Variants in PPFIBP2 observed in about 807,000 individuals in gnomAD.
PPFIBP2 encodes liprin-beta-2.
A neutral mutation model predicts 118.3 loss-of-function variants in PPFIBP2; 118 were observed. That is an observed-to-expected ratio of 1.00 (90% CI 0.86 to 1.16). The LOEUF (loss-of-function observed/expected upper bound fraction) is 1.16, where lower values mean the gene tolerates loss of function less well. Ranked by LOEUF, PPFIBP2 falls within the 50% of genes most tolerant of loss-of-function variation. The pLI is 0.00. For missense variants in PPFIBP2, 1,195 were observed against 1,073.1 expected (o/e 1.11, Z -1.59); for synonymous variants, 414 against 397.4 (o/e 1.04, Z -0.50).
At chr11:7,604,251 A>G (rs555445127) in intron 5 of PPFIBP2, among the ~76,000 whole-genome samples, 7 of 152,314 alleles carry the variant, frequency 4.6e-5, no homozygotes, top group African/African-American at 1.7e-4. Context: ...TGGGGTGGCT[A>G]GGAGTACCTT....
chr11:7,541,714 A>G (rs934467999), intron 1 of PPFIBP2, among the ~76,000 whole-genome samples: 6 of 152,200 alleles, frequency 3.9e-5, no homozygotes, highest in African/African-American at 1.2e-4. Context: ...TGTAAACATC[A>G]GACTCCTATT....
the PPFIBP2 span, chr11:7,666,376 G>T: frequency 1.3e-5 from 12 of 938,424 alleles, no homozygotes; most frequent in Non-Finnish European, 1.7e-5. Context: ...ACAAAACAAA[G>T]AGACAGAGAC....
intron 20 of PPFIBP2, 113 bp from the exon 21 acceptor site, chr11:7,649,419 G>T (rs935369872): frequency 1.4e-6 from 2 of 1,428,772 alleles, no homozygotes; most frequent in African/African-American, 1.4e-5. Context: ...GTGTCTCCAC[G>T]TGCACCTTCC....
chr11:7,551,374 C>T lies in PPFIBP2; in HGVS notation c.64+1835C>T, dbSNP rs947128279. ...GGATGAAAATACTATCTTTTCTCTA[C>T]GTATTATCTCTGCTGCTTTGTCAAA... On this transcript the variant is annotated intron_variant, in intron 2 of 23. Coordinates refer to ENST00000299492, the MANE Select transcript of PPFIBP2 (RefSeq NM_003621.5). Among the ~76,000 whole-genome samples the T allele has an allele frequency of 4.6e-5, 7 of 152,216 alleles. No individual in the cohort carries two copies. The East Asian group carries it at 7.7e-4, about 17-fold the overall frequency.
At chr11:7,588,184 G>A (rs1858558318) in intron 3 of PPFIBP2, among the ~76,000 whole-genome samples, 1 of 152,166 alleles carries the variant, frequency 6.6e-6, no homozygotes, top group Admixed American at 6.5e-5. Context: ...AGTGACCAAG[G>A]GGAGGGATGG....
At position 7,622,261 on chromosome 11, in the gene PPFIBP2, AACTC is replaced by A. The variant is rs924399002; in HGVS notation, c.711+1241_711+1244del. 2.8e-4 allele frequency among the ~76,000 whole-genome samples: 43 copies of A among 152,202 alleles called. 1 individual carries two copies. Among genetic ancestry groups the A allele is most frequent in the Admixed American group, 2.6e-3 (40 of 15,284 alleles). ...CTTTTAAACCACCAGATCTCGTGAG[AACTC>A]ACTCACAGTTGCGAGGACAGCACCA... On this transcript the variant is annotated intron_variant, in intron 7 of 23. Coordinates refer to ENST00000299492, the MANE Select transcript of PPFIBP2 (RefSeq NM_003621.5).
At chr11:7,546,910 A>G (rs138644368) in intron 1 of PPFIBP2, among the ~76,000 whole-genome samples, 6 of 152,264 alleles carry the variant, frequency 3.9e-5, no homozygotes, top group African/African-American at 1.4e-4. Flanking sequence ...CTCTTCCACT[A>G]GATTGTGTGG....
chr11:7,558,469 G>T (rs965823212), intron 2 of PPFIBP2, among the ~76,000 whole-genome samples: 1 of 152,144 alleles, frequency 6.6e-6, no homozygotes, highest in African/African-American at 2.4e-5. Context: ...TCATTAAAAG[G>T]CTTTCAGCTG....
chr11:7,666,570 G>GA, the PPFIBP2 span: 1 of 1,582,622 alleles, frequency 6.3e-7, no homozygotes, highest in Non-Finnish European at 8.7e-7. Context: ...AAGCAACACT[G>GA]AAAAAGCCCC....
intron 6 of PPFIBP2, among the ~76,000 whole-genome samples, chr11:7,620,563 A>T (rs1011763765): frequency 2.0e-5 from 3 of 152,282 alleles, no homozygotes; most frequent in Non-Finnish European, 4.4e-5. Context: ...ACTACTTTGC[A>T]TCACAGGGAA....
chr11:7,655,674 C>G (rs1854618810), downstream of PPFIBP2, among the ~76,000 whole-genome samples: 1 of 152,074 alleles, frequency 6.6e-6, no homozygotes, highest in Admixed American at 6.5e-5. Context: ...CAGGGGCCTT[C>G]TCTGTTGGCC....
chr11:7,563,031 A>G (rs72849606), intron 2 of PPFIBP2, among the ~76,000 whole-genome samples: 5,338 of 148,948 alleles, frequency 0.036, 129 homozygotes, highest in Middle Eastern at 0.07. Flanking sequence ...ATGTACTCAC[A>G]TACATGTACA....
chr11:7,639,610 TTC>T (rs1851871011), intron 14 of PPFIBP2, 120 bp from the exon 15 acceptor site: 25 of 1,280,084 alleles, frequency 2.0e-5, no homozygotes, highest in Non-Finnish European at 2.7e-5. Context: ...TTGAGGGGTG[TTC>T]AAGTCACCAT....
Position 7,653,379 on chromosome 11 carries a change from C to G in PPFIBP2, c.*161C>G. 1.3e-6 allele frequency: 2 copies of G among 1,482,550 alleles called. No individual in the cohort carries two copies. 91.8% of individuals were successfully genotyped at this position (1,482,550 alleles called of 1,614,324 possible). Reference sequence around the variant, plus strand: ...AGTCTCTTTGAACCCTGAGGGTGGCCAGGATCTGGAGCTGCATCTCTAAGG... The same window carrying G: ...AGTCTCTTTGAACCCTGAGGGTGGCGAGGATCTGGAGCTGCATCTCTAAGG... On this transcript the variant is annotated 3_prime_UTR_variant, in exon 24 of 24. Transcript: ENST00000299492.
At chr11:7,592,102 C>T (rs1859425462) in intron 3 of PPFIBP2, among the ~76,000 whole-genome samples, 1 of 152,158 alleles carries the variant, frequency 6.6e-6, no homozygotes, top group African/African-American at 2.4e-5. Context: ...TTTCACTGGA[C>T]CAGCTCAGAT....
chr11:7,526,790 A>G (rs1178017156), intron 1 of PPFIBP2, among the ~76,000 whole-genome samples: 2 of 152,092 alleles, frequency 1.3e-5, no homozygotes, highest in Non-Finnish European at 2.9e-5. Context: ...ACTTAGTGAC[A>G]AGGGCTGGGA....
At chr11:7,605,856 G>C (rs979483485) in intron 5 of PPFIBP2, 5 of 1,446,498 alleles carry the variant, frequency 3.5e-6, no homozygotes, top group African/African-American at 1.4e-5. Context: ...CTGGATACAC[G>C]TGAGATCCAA....
chr11:7,535,427 G>A (rs941773602), intron 1 of PPFIBP2, among the ~76,000 whole-genome samples: 2 of 152,152 alleles, frequency 1.3e-5, no homozygotes, highest in East Asian at 1.9e-4. Flanking sequence ...TGCGTCCAGC[G>A]TAGTGGTTAG....
intron 4 of PPFIBP2, chr11:7,597,167 G>C: frequency 6.9e-7 from 1 of 1,457,466 alleles, no homozygotes; most frequent in Non-Finnish European, 9.0e-7. Context: ...ATGAAGTTTG[G>C]ACCGCTCTTC....
Sources: gnomAD v4.1 joint callset for allele counts (sites outside exome capture counted in the v4.1 genomes callset) on GRCh38, gnomAD v4.1.1 for gene constraint, MANE v1.5 for transcripts, NCBI Gene and HGNC (gene_info 2026-07-23, HGNC 2026-07-21) for gene names.